GRM7: variants seen among roughly 807,000 people sequenced by gnomAD.
The protein encoded by GRM7 is metabotropic glutamate receptor 7.
A neutral mutation model predicts 84.5 loss-of-function variants in GRM7; 35 were observed. That is an observed-to-expected ratio of 0.41 (90% CI 0.32 to 0.55). The LOEUF is 0.55. Among genes scored for constraint, GRM7 ranks in the 20% least tolerant of loss-of-function variants. The pLI is 0.19. For synonymous variants in GRM7, 487 were observed against 455.1 expected, an observed-to-expected ratio of 1.07 and a Z score of -0.89; for missense variants, 1,003 against 1,194.6, an observed-to-expected ratio of 0.84 and a Z score of 2.36.
chr3:7,581,730 A>G (rs1198638552), intron 8 of GRM7, among the ~76,000 whole-genome samples: 1 of 152,238 alleles, frequency 6.6e-6, no homozygotes, highest in Non-Finnish European at 1.5e-5. Flanking sequence ...AAGATTAGGC[A>G]GTGAGTTCAG....
At chr3:7,262,807 G>T (rs1043842990) in intron 2 of GRM7, among the ~76,000 whole-genome samples, 1 of 152,128 alleles carries the variant, frequency 6.6e-6, no homozygotes, top group South Asian at 2.1e-4. Flanking sequence ...AAGCAATTGT[G>T]CTGCCTCAGC....
At chr3:7,580,321 A>C (rs1360029803) in intron 8 of GRM7, among the ~76,000 whole-genome samples, 1 of 152,208 alleles carries the variant, frequency 6.6e-6, no homozygotes, top group East Asian at 1.9e-4. Context: ...ATACTCTGCA[A>C]AGAGGGCTTA....
intron 1 of GRM7, among the ~76,000 whole-genome samples, chr3:6,938,514 T>C (rs571890204): frequency 6.6e-6 from 1 of 152,262 alleles, no homozygotes; most frequent in Admixed American, 6.5e-5. Context: ...ACCATTAACG[T>C]GCAAAAGTCT....
chr3:7,261,609 G>T (rs1444366194), intron 2 of GRM7, among the ~76,000 whole-genome samples: 1 of 152,082 alleles, frequency 6.6e-6, no homozygotes, highest in East Asian at 1.9e-4. Context: ...GGTTATTATT[G>T]ATATCTGTGG....
chr3:7,534,748 G>GTTGT (rs1404384863), intron 7 of GRM7, among the ~76,000 whole-genome samples: 5 of 152,136 alleles, frequency 3.3e-5, no homozygotes, highest in Non-Finnish European at 7.3e-5. Context: ...TATATATCTA[G>GTTGT]TTGTTGGCAA....
chr3:7,152,443 T>C (rs905606764), intron 2 of GRM7, among the ~76,000 whole-genome samples: 1 of 152,244 alleles, frequency 6.6e-6, no homozygotes, highest in Non-Finnish European at 1.5e-5. Flanking sequence ...GCGTGAAACA[T>C]AAGGTCCTTC....
At chr3:7,304,298 ATC>A (rs1700110913) in intron 3 of GRM7, among the ~76,000 whole-genome samples, 1 of 43,486 alleles carries the variant, frequency 2.3e-5, no homozygotes, top group Non-Finnish European at 6.7e-5. Context: ...TCCATCATCC[ATC>A]ATCCATCCTT....
chr3:7,645,067 C>T (rs1374827183), intron 8 of GRM7, among the ~76,000 whole-genome samples: 1 of 152,080 alleles, frequency 6.6e-6, no homozygotes, highest in African/African-American at 2.4e-5. Context: ...TTTCACATCC[C>T]TACCCAAAAG....
At chr3:6,942,567 TC>T (rs1349724883) in intron 1 of GRM7, among the ~76,000 whole-genome samples, 1 of 152,178 alleles carries the variant, frequency 6.6e-6, no homozygotes. Context: ...AATAGTGTAT[TC>T]CTTTTAAGTG....
intron 7 of GRM7, among the ~76,000 whole-genome samples, chr3:7,502,804 G>A (rs1391471227): frequency 6.6e-6 from 1 of 152,156 alleles, no homozygotes; most frequent in African/African-American, 2.4e-5. Context: ...AGTGATAATA[G>A]GTTGTAGTTT....
At chr3:7,395,373 G>A (rs1471673073) in intron 4 of GRM7, among the ~76,000 whole-genome samples, 1 of 152,048 alleles carries the variant, frequency 6.6e-6, no homozygotes, top group Non-Finnish European at 1.5e-5. Context: ...TAAAATAACT[G>A]TTTTACATTA....
intron 4 of GRM7, among the ~76,000 whole-genome samples, chr3:7,338,628 G>A (rs771344508): frequency 1.3e-5 from 2 of 152,056 alleles, no homozygotes; most frequent in African/African-American, 4.8e-5. Context: ...ACCACATGGG[G>A]GACATTCGCC....
At chr3:7,458,440 G>T (rs1309256129) in intron 6 of GRM7, among the ~76,000 whole-genome samples, 4 of 152,126 alleles carry the variant, frequency 2.6e-5, no homozygotes, top group Admixed American at 2.6e-4. Context: ...CTGTTAAAAA[G>T]GAGATGTGGG....
intron 2 of GRM7, among the ~76,000 whole-genome samples, chr3:7,158,426 C>T (rs938368437): frequency 5.3e-5 from 8 of 152,146 alleles, no homozygotes; most frequent in Non-Finnish European, 8.8e-5. Context: ...AGAACATCCC[C>T]TCTGAAGCTC....
chr3:7,010,394 C>A (rs1258769323), intron 1 of GRM7, among the ~76,000 whole-genome samples: 3 of 152,202 alleles, frequency 2.0e-5, no homozygotes, highest in African/African-American at 7.2e-5. Context: ...GCAGAGGTTG[C>A]AGTGAACCAA....
At chr3:7,021,130 C>T (rs1286094773) in intron 1 of GRM7, among the ~76,000 whole-genome samples, 2 of 152,116 alleles carry the variant, frequency 1.3e-5, no homozygotes, top group Non-Finnish European at 2.9e-5. Context: ...TTTCTCTCTC[C>T]TCCCCAGCAA....
intron 4 of GRM7, among the ~76,000 whole-genome samples, chr3:7,318,308 A>T (rs1341962392): frequency 1.3e-5 from 2 of 152,064 alleles, no homozygotes; most frequent in Non-Finnish European, 2.9e-5. Context: ...GCTGGGGCTA[A>T]GACTTCTCTT....
chr3:7,153,948 T>C (rs73124112), intron 2 of GRM7, among the ~76,000 whole-genome samples: 2,412 of 152,278 alleles, frequency 0.016, 64 homozygotes, highest in African/African-American at 0.055. Flanking sequence ...CAAAGGTAAG[T>C]AGATGTTAAC....
chr3:7,405,385 G>T (rs926156115), intron 4 of GRM7, among the ~76,000 whole-genome samples: 3 of 151,818 alleles, frequency 2.0e-5, no homozygotes, highest in Non-Finnish European at 2.9e-5. Context: ...TACATATTTT[G>T]GGGTACATAG....
Sources: gnomAD v4.1 joint callset for allele counts (sites outside exome capture counted in the v4.1 genomes callset) on GRCh38, gnomAD v4.1.1 for gene constraint, MANE v1.5 for transcripts, NCBI Gene and HGNC (gene_info 2026-07-23, HGNC 2026-07-21) for gene names.